The following GPR158 variants were observed in gnomAD, a reference collection of about 807,000 sequenced individuals.
The protein encoded by GPR158 is G protein-coupled receptor 158.
GPR158 carries 30 observed loss-of-function variants against 78.2 expected under a neutral mutation model. That is an observed-to-expected ratio of 0.38 (90% CI 0.29 to 0.52). The LOEUF (loss-of-function observed/expected upper bound fraction) is 0.52, where lower values mean the gene tolerates loss of function less well. Ranked by LOEUF, GPR158 falls within the 20% of genes least tolerant of loss-of-function variation. GPR158 has a pLI of 0.83. For missense variants in GPR158, 1,463 were observed against 1,523.5 expected (o/e 0.96, Z 0.66); for synonymous variants, 581 against 591.1 (o/e 0.98, Z 0.25).
At chr10:25,281,620 T>A (rs951241521) in intron 2 of GPR158, among the ~76,000 whole-genome samples, 4 of 151,122 alleles carry the variant, frequency 2.6e-5, no homozygotes, top group Non-Finnish European at 5.9e-5. Flanking sequence ...AAATAATAAA[T>A]ATCAAAAATT....
At chr10:25,451,923 T>C (rs1371590005) in intron 4 of GPR158, among the ~76,000 whole-genome samples, 1 of 152,206 alleles carries the variant, frequency 6.6e-6, no homozygotes, top group African/African-American at 2.4e-5. Flanking sequence ...GAACTAGCAA[T>C]GCTGGATATA....
At chr10:25,554,477 G>A (rs78219905) in intron 6 of GPR158, among the ~76,000 whole-genome samples, 2,310 of 152,162 alleles carry the variant, frequency 0.015, 46 homozygotes, top group African/African-American at 0.053. Context: ...AATTCCTGTA[G>A]CACTGAAAAC....
chr10:25,520,358 CCTT>C (rs1564478032), intron 5 of GPR158, among the ~76,000 whole-genome samples: 3 of 146,336 alleles, frequency 2.1e-5, no homozygotes, highest in South Asian at 4.3e-4. Flanking sequence ...TCATCTGAAG[CCTT>C]CTTCTCTCAG....
At chr10:25,335,933 G>A (rs574466080) in intron 2 of GPR158, among the ~76,000 whole-genome samples, 3 of 152,030 alleles carry the variant, frequency 2.0e-5, no homozygotes, top group African/African-American at 7.2e-5. Flanking sequence ...TTGGTAAAAG[G>A]GGGATAACAG....
At position 25,484,366 on chromosome 10, in the gene GPR158, A is replaced by G. The variant is rs1437310862; in HGVS notation, c.1404+17647A>G. Among the ~76,000 whole-genome samples the G allele has an allele frequency of 2.0e-5, 3 of 152,250 alleles. No homozygotes were observed. The East Asian group carries it at 5.8e-4, about 29-fold the overall frequency. On this transcript the variant is annotated intron_variant, in intron 5 of 10. Coordinates refer to ENST00000376351, the MANE Select transcript of GPR158 (RefSeq NM_020752.3). ...TCATTATTTTAGAATAAGCAAGGAAAGGTTAACTCAAAAATTGTAACATTA... is the reference window on the plus strand; with the variant it reads ...TCATTATTTTAGAATAAGCAAGGAAGGGTTAACTCAAAAATTGTAACATTA...
Position 25,241,192 on chromosome 10 carries a change from TTC to T in GPR158, c.1008+20037_1008+20038del, listed in dbSNP as rs1491244669. 4.5e-3 allele frequency among the ~76,000 whole-genome samples: 473 copies of T among 104,420 alleles called. 8 individuals carry two copies. Among genetic ancestry groups the T allele is most frequent in the African/African-American group, 0.022 (382 of 17,718 alleles). 68.5% of individuals were successfully genotyped at this position (104,420 alleles called of 152,430 possible). ...TTCTTTCTTTCTTTCTTTCTTTCCT[TTC>T]TTTCTTTCCTTTCTTTCCTTTCTTT... is the stretch of plus-strand genomic sequence containing the variant. On this transcript the variant is annotated intron_variant, in intron 2 of 10. Coordinates refer to ENST00000376351, the MANE Select transcript of GPR158 (RefSeq NM_020752.3).
At chr10:25,389,457 A>G (rs980470610) in intron 2 of GPR158, among the ~76,000 whole-genome samples, 6 of 151,928 alleles carry the variant, frequency 3.9e-5, no homozygotes, top group African/African-American at 1.2e-4. Flanking sequence ...AGAGCTGAAC[A>G]CTCGTTGGAA....
At chr10:25,449,978 A>G (rs1835191761) in intron 4 of GPR158, among the ~76,000 whole-genome samples, 2 of 145,774 alleles carry the variant, frequency 1.4e-5, no homozygotes, top group Middle Eastern at 6.9e-3. Flanking sequence ...ACTGAGAAGC[A>G]AAACAAAATT....
intron 2 of GPR158, among the ~76,000 whole-genome samples, chr10:25,297,212 C>G (rs2130770816): frequency 1.3e-5 from 2 of 152,294 alleles, no homozygotes; most frequent in South Asian, 4.1e-4. Context: ...TGTAACATTG[C>G]TATCTTTACA....
intron 2 of GPR158, among the ~76,000 whole-genome samples, chr10:25,293,428 GA>G (rs1474601263): frequency 6.6e-6 from 1 of 152,144 alleles, no homozygotes; most frequent in Non-Finnish European, 1.5e-5. Context: ...TCCTTGTTTA[GA>G]AGATTAAATG....
At chr10:25,262,774 C>A (rs912604688) in intron 2 of GPR158, among the ~76,000 whole-genome samples, 1 of 152,166 alleles carries the variant, frequency 6.6e-6, no homozygotes, top group Non-Finnish European at 1.5e-5. Flanking sequence ...TGGCATTGTA[C>A]ATTCTACTAT....
intron 5 of GPR158, among the ~76,000 whole-genome samples, chr10:25,540,945 AATATATATATATATAT>A (rs57800341): frequency 7.2e-5 from 6 of 82,922 alleles, no homozygotes; most frequent in Non-Finnish European, 1.0e-4. Context: ...GTATAATAAA[AATATATATATATATAT>A]ATATATATAT....
chr10:25,442,306 C>T (rs1389870450), intron 4 of GPR158, among the ~76,000 whole-genome samples: 3 of 151,980 alleles, frequency 2.0e-5, no homozygotes, highest in East Asian at 1.9e-4. Flanking sequence ...AAACCAACAT[C>T]GCAGAAAGCA....
intron 5 of GPR158, among the ~76,000 whole-genome samples, chr10:25,543,181 C>A (rs772033286): frequency 6.6e-6 from 1 of 152,004 alleles, no homozygotes; most frequent in Admixed American, 6.6e-5. Flanking sequence ...AGTGCAGTGG[C>A]GCAATCTCTG....
At chr10:25,505,597 T>A (rs371606817) in intron 5 of GPR158, among the ~76,000 whole-genome samples, 38 of 152,324 alleles carry the variant, frequency 2.5e-4, no homozygotes, top group African/African-American at 9.1e-4. Context: ...CTCAGTGGCA[T>A]CTTATCAACC....
intron 2 of GPR158, among the ~76,000 whole-genome samples, chr10:25,225,183 CTT>C (rs60603738): frequency 2.5e-4 from 33 of 134,630 alleles, no homozygotes; most frequent in South Asian, 9.2e-4. Flanking sequence ...GAACATTTGC[CTT>C]TTTTTTTTTT....
intron 2 of GPR158, among the ~76,000 whole-genome samples, chr10:25,380,851 G>A (rs977205685): frequency 8.5e-5 from 13 of 152,164 alleles, no homozygotes; most frequent in Non-Finnish European, 1.6e-4. Context: ...TATGACAATA[G>A]GGATGAGAAA....
intron 6 of GPR158, among the ~76,000 whole-genome samples, chr10:25,553,695 G>A (rs1433497328): frequency 1.3e-5 from 2 of 152,066 alleles, no homozygotes; most frequent in Non-Finnish European, 2.9e-5. Context: ...GCAAAGGGTG[G>A]GTTTGGCTGG....
chr10:25,534,035 G>T (rs1000440832), intron 5 of GPR158, among the ~76,000 whole-genome samples: 1 of 152,180 alleles, frequency 6.6e-6, no homozygotes, highest in African/African-American at 2.4e-5. Context: ...ATTAGATGTT[G>T]TTATTACCCC....
Sources: gnomAD v4.1 joint callset for allele counts (sites outside exome capture counted in the v4.1 genomes callset) on GRCh38, gnomAD v4.1.1 for gene constraint, MANE v1.5 for transcripts, NCBI Gene and HGNC (gene_info 2026-07-23, HGNC 2026-07-21) for gene names.